The following LOXHD1 variants were observed in gnomAD, a reference collection of about 807,000 sequenced individuals.
LOXHD1 encodes lipoxygenase homology PLAT domains 1.
In LOXHD1, 205 loss-of-function variants were observed where a neutral mutation model predicts 248.2. The ratio of observed to expected loss-of-function variants is 0.83; its 90% CI spans 0.74 to 0.93. The LOEUF is 0.93. Ranked by LOEUF, LOXHD1 falls within the 40% of genes least tolerant of loss-of-function variation. The pLI is 0.00. For missense variants in LOXHD1, 2,930 were observed against 2,971.6 expected (o/e 0.99, Z 0.33); for synonymous variants, 1,113 against 1,162.8 (o/e 0.96, Z 0.87).
chr18:46,523,707 A>T (rs991630531), intron 31 of LOXHD1, among the ~76,000 whole-genome samples: 2 of 151,822 alleles, frequency 1.3e-5, no homozygotes, highest in African/African-American at 4.8e-5. Context: ...TTACTTGCAC[A>T]TGGCCTTATT....
chr18:46,520,190 G>A (rs542226911), intron 33 of LOXHD1: 34 of 461,842 alleles, frequency 7.4e-5, no homozygotes, highest in South Asian at 5.0e-4. Context: ...AGAGGCAGGA[G>A]AGTGGCAGGC....
intron 4 of LOXHD1, among the ~76,000 whole-genome samples, chr18:46,626,585 T>C (rs2038745828): frequency 6.6e-6 from 1 of 152,172 alleles, no homozygotes. Flanking sequence ...GATTTGAGGC[T>C]ATAATGTAGT....
chr18:46,498,995 C>T (rs1404970004), intron 37 of LOXHD1, among the ~76,000 whole-genome samples: 1 of 152,086 alleles, frequency 6.6e-6, no homozygotes, highest in Admixed American at 6.6e-5. Context: ...ATTCTGGACC[C>T]GTCTATTTAG....
At chr18:46,498,507 C>A (rs1285599167) in intron 37 of LOXHD1, among the ~76,000 whole-genome samples, 1 of 152,160 alleles carries the variant, frequency 6.6e-6, no homozygotes, top group Non-Finnish European at 1.5e-5. Flanking sequence ...GTCAAGGTGT[C>A]AGAAGGTCAA....
intron 23 of LOXHD1, chr18:46,545,044 T>C: frequency 2.1e-6 from 1 of 486,530 alleles, no homozygotes; most frequent in East Asian, 4.3e-5. Flanking sequence ...CATGGCTGAA[T>C]TTCATTGAAA....
chr18:46,507,830 G>C, intron 35 of LOXHD1, 118 bp from the exon 36 acceptor site: 1 of 1,137,570 alleles, frequency 8.8e-7, no homozygotes, highest in Non-Finnish European at 1.2e-6. Context: ...CCTGAGACAA[G>C]CGCTTGCGAC....
At chr18:46,531,855 A>G (rs1037482557) in intron 28 of LOXHD1, among the ~76,000 whole-genome samples, 1 of 152,220 alleles carries the variant, frequency 6.6e-6, no homozygotes, top group African/African-American at 2.4e-5. Context: ...GAAGGAAGTT[A>G]TCCCCAGATT....
chr18:46,556,485 T>A (rs1211564148), intron 21 of LOXHD1, among the ~76,000 whole-genome samples: 1 of 152,070 alleles, frequency 6.6e-6, no homozygotes, highest in South Asian at 2.1e-4. Flanking sequence ...GGGCTGCCAA[T>A]GAGAGAAGAG....
chr18:46,656,952 A>G lies in LOXHD1; in HGVS notation c.82T>C (p.Ser28Pro), dbSNP rs756954256. 4.5e-6 allele frequency: 7 copies of G among 1,551,342 alleles called. No homozygotes were observed. The African/African-American group carries it at 9.6e-5, about 21-fold the overall frequency. Residue 28 changes from serine to proline, a missense_variant, in exon 1 of 41, where the codon TCG becomes CCG. Transcript: ENST00000642948. ...TCCAGCTCCCCCTCGTCGTCCTCCG[A>G]GGCGTAGTTCAGCAGCTCCGCTTCG... ...LYEAELLNYASEDDEGELEHE... is the reference protein window; with the variant it reads ...LYEAELLNYAPEDDEGELEHE...
chr18:46,539,856 C>T (rs937598934), intron 25 of LOXHD1, among the ~76,000 whole-genome samples: 1 of 152,186 alleles, frequency 6.6e-6, no homozygotes, highest in Non-Finnish European at 1.5e-5. Context: ...GATGTCTACT[C>T]TATCCTGTAG....
At chr18:46,485,238 C>T in intron 38 of LOXHD1, 87 bp from the exon 39 acceptor site, 1 of 1,471,634 alleles carries the variant, frequency 6.8e-7, no homozygotes, top group South Asian at 1.3e-5. Context: ...GGCCTCCGGT[C>T]CTTCATTTGA....
Position 46,509,679 on chromosome 18 carries a change from G to A in LOXHD1, c.5517+19C>T, listed in dbSNP as rs984871122. 9.2e-6 allele frequency: 14 copies of A among 1,523,224 alleles called. No homozygotes were observed. The African/African-American group carries it at 1.9e-4, about 21-fold the overall frequency. The allele number at this position is 1,523,224 out of a possible 1,614,324, so 94.4% of individuals were successfully genotyped here. A position where few individuals can be genotyped will look rare whatever the true frequency, so the allele number is the denominator to read the frequency against. On this transcript the variant is annotated intron_variant, in intron 35 of 40. Coordinates refer to ENST00000642948, the MANE Select transcript of LOXHD1 (RefSeq NM_001384474.1). ...GTGGGTGGTGGCTGGAAGGAAGAGT[G>A]AGGGTCTAGACATTTTACCCTCTCC...
chr18:46,656,875 C>G (rs1947290033), intron 1 of LOXHD1, 29 bp downstream of exon 1: 6 of 1,548,766 alleles, frequency 3.9e-6, no homozygotes, highest in Middle Eastern at 3.3e-4. Context: ...AGCTGCACCA[C>G]CCGCCCCCCG....
At chr18:46,550,429 C>T (rs376379727) in intron 21 of LOXHD1, among the ~76,000 whole-genome samples, 124 of 151,258 alleles carry the variant, frequency 8.2e-4, no homozygotes, top group African/African-American at 2.7e-3. Flanking sequence ...AAAAATTAGC[C>T]GGGCGCGGTG....
chr18:46,560,052 T>TAGCCCCC, intron 19 of LOXHD1, 31 bp downstream of exon 19: 1 of 441,130 alleles, frequency 2.3e-6, no homozygotes, highest in Non-Finnish European at 3.6e-6. Context: ...GGCCACTCCC[T>TAGCCCCC]CCCCACCCCC....
Position 46,569,569 on chromosome 18 carries a change from A to G in LOXHD1, c.2117T>C (p.Ile706Thr). Residue 706 changes from isoleucine to threonine, a missense_variant, in exon 16 of 41, where the codon ATC becomes ACC. By Grantham distance (89) the Ile-to-Thr change is moderately conservative. Transcript: ENST00000642948. ...SGASTDSRVYIKLYGDKSDTI... is the reference protein window; with the variant it reads ...SGASTDSRVYTKLYGDKSDTI... ...GTCAGATTTATCCCCATAGAGCTTGATGTAGACTCTAGAATCCGTGCTGGC... is the reference window on the plus strand; with the variant it reads ...GTCAGATTTATCCCCATAGAGCTTGGTGTAGACTCTAGAATCCGTGCTGGC... The G allele has an allele frequency of 9.0e-6, 14 of 1,551,766 alleles. No individual in the cohort carries two copies. The highest frequency in any genetic ancestry group is 1.2e-5 in the Non-Finnish European group (14 of 1,147,010).
intron 9 of LOXHD1, among the ~76,000 whole-genome samples, 193 bp from the exon 10 acceptor site, chr18:46,593,953 T>C (rs2038217912): frequency 6.6e-6 from 1 of 152,214 alleles, no homozygotes; most frequent in Non-Finnish European, 1.5e-5. Context: ...AATAAGGTGC[T>C]ATAATGTTCT....
At chr18:46,497,343 C>A (rs1450197719) in intron 37 of LOXHD1, among the ~76,000 whole-genome samples, 2 of 152,184 alleles carry the variant, frequency 1.3e-5, no homozygotes, top group East Asian at 3.8e-4. Context: ...GGTGCTGAAC[C>A]CGCCTCTTTC....
At chr18:46,562,869 G>T (rs1268673962) in intron 18 of LOXHD1, among the ~76,000 whole-genome samples, 196 bp downstream of exon 18, 2 of 152,162 alleles carry the variant, frequency 1.3e-5, no homozygotes, top group Non-Finnish European at 2.9e-5. Context: ...CCAGGGGTGG[G>T]AATCACTGAT....
Sources: gnomAD v4.1 joint callset for allele counts (sites outside exome capture counted in the v4.1 genomes callset) on GRCh38, gnomAD v4.1.1 for gene constraint, MANE v1.5 for transcripts, NCBI Gene and HGNC (gene_info 2026-07-23, HGNC 2026-07-21) for gene names.